The following ATXN7L3 variants were observed in gnomAD, a reference collection of about 807,000 sequenced individuals.
ATXN7L3 encodes the protein ataxin 7 like 3, also known as ataxin-7-like protein 3.
Under a neutral mutation model 50.0 loss-of-function variants are expected in ATXN7L3, and 6 were observed. The observed-to-expected ratio is 0.12, with a 90% CI of 0.07 to 0.24. The LOEUF is 0.24. Ranked by LOEUF, ATXN7L3 falls within the 10% of genes least tolerant of loss-of-function variation. ATXN7L3 has a pLI of 1.00. For missense variants in ATXN7L3, 322 were observed against 451.3 expected (o/e 0.71, Z 2.60); for synonymous variants, 198 against 165.8 (o/e 1.19, Z -1.49).
chr17:44,199,744 C>A lies in ATXN7L3; in HGVS notation c.-309G>T, dbSNP rs1425479137. On this transcript the variant is annotated 5_prime_UTR_variant, in exon 1 of 13. Coordinates refer to ENST00000587097, the MANE Select transcript of ATXN7L3 (RefSeq NM_001382309.1). ...TCCTCCTCACCTCACCCCGCCCGCG[C>A]GCAGTCCGCGCGCCGTCCGCGCGCC... The A allele has an allele frequency of 6.9e-6, 1 of 144,204 alleles. No homozygotes were observed. The highest frequency in any genetic ancestry group is 2.5e-5 in the African/African-American group (1 of 39,450). The allele number at this position is 144,204 out of a possible 1,614,324, so 8.9% of individuals were successfully genotyped here.
chr17:44,194,600 CGGCTGATCAGGGCCT>C lies in ATXN7L3; in HGVS notation c.797_811del (p.Gln266_Ser270del). Reference sequence around the variant, plus strand: ...GTCAGAGGAGCCGTCCCACTGAAGCCGGCTGATCAGGGCCTGGCTGTCAGTCATGTCAAAGCTGTC... The same window carrying C: ...GTCAGAGGAGCCGTCCCACTGAAGCCGGCTGTCAGTCATGTCAAAGCTGTC... On this transcript the variant is annotated inframe_deletion, in exon 12 of 13. Transcript: ENST00000587097. 2 of 1,613,908 alleles carry C rather than the reference CGGCTGATCAGGGCCT, an allele frequency of 1.2e-6. No individual in the cohort carries two copies. The highest frequency in any genetic ancestry group is 2.2e-5 in the South Asian group (2 of 91,078).
intron 8 of ATXN7L3, 150 bp from the exon 9 acceptor site, chr17:44,195,637 G>T: frequency 8.4e-7 from 1 of 1,189,548 alleles, no homozygotes; most frequent in Non-Finnish European, 1.2e-6. Flanking sequence ...CATCCCATCT[G>T]CCAATGGATA....
At position 44,191,830 on chromosome 17, in the gene ATXN7L3, A is replaced by G; in HGVS notation, c.*2433T>C. ...TACCAACGGGAGATGCAGTTTATTT[A>G]CACCAGCAGCCATGGGGGCAGAGGG... On this transcript the variant is annotated 3_prime_UTR_variant, in exon 13 of 13. Transcript: ENST00000587097. 1.3e-5 allele frequency: 9 copies of G among 717,930 alleles called. No individual in the cohort carries two copies. Among genetic ancestry groups the G allele is most frequent in the Non-Finnish European group, 1.5e-5 (9 of 585,902 alleles). The allele number at this position is 717,930 out of a possible 1,614,324, so 44.5% of individuals were successfully genotyped here. A position where few individuals can be genotyped will look rare whatever the true frequency, so the allele number is the denominator to read the frequency against.
Position 44,194,610 on chromosome 17 carries a change from G to A in ATXN7L3, c.802C>T (p.Leu268=). The stretch of plus-strand genomic sequence containing the variant: ...CCGTCCCACTGAAGCCGGCTGATCA[G>A]GGCCTGGCTGTCAGTCATGTCAAAG... ...DSFDMTDSQA[L]ISRLQWDGSS... is the part of the protein sequence containing the mutation. Residue 268 remains leucine, a synonymous_variant, in exon 12 of 13, where the codon CTG becomes TTG. Coordinates refer to ENST00000587097, the MANE Select transcript of ATXN7L3 (RefSeq NM_001382309.1). 6.2e-7 allele frequency: 1 copy of A among 1,613,940 alleles called. No individual in the cohort carries two copies. Among genetic ancestry groups the A allele is most frequent in the Non-Finnish European group, 8.5e-7 (1 of 1,180,028 alleles).
intron 1 of ATXN7L3, 67 bp from the exon 2 acceptor site, chr17:44,198,197 C>T (rs1188312908): frequency 2.7e-5 from 23 of 851,516 alleles, no homozygotes; most frequent in South Asian, 2.3e-4. Context: ...CACCTTCCCT[C>T]CCCACCTCGC....
At chr17:44,195,606 C>A in intron 8 of ATXN7L3, 119 bp from the exon 9 acceptor site, 1 of 1,260,928 alleles carries the variant, frequency 7.9e-7, no homozygotes, top group Non-Finnish European at 1.1e-6. Flanking sequence ...ACGACCCTGC[C>A]GTTTTCCAAG....
chr17:44,198,300 G>C (rs1428398849), intron 1 of ATXN7L3, 170 bp from the exon 2 acceptor site: 2 of 534,840 alleles, frequency 3.7e-6, no homozygotes, highest in Non-Finnish European at 6.6e-6. Flanking sequence ...GAAACCTAAA[G>C]GGGGCCTAGT....
chr17:44,197,491 G>A (rs926673187), intron 3 of ATXN7L3, 92 bp from the exon 4 acceptor site: 58 of 1,582,066 alleles, frequency 3.7e-5, no homozygotes, highest in Middle Eastern at 3.4e-4. Context: ...TCCCTCCCCC[G>A]GCTCACAGGA....
chr17:44,193,932 G>T lies in ATXN7L3; in HGVS notation c.*331C>A. On this transcript the variant is annotated 3_prime_UTR_variant, in exon 13 of 13. Transcript: ENST00000587097. ...AGTCCAGTTCCTGGGGTGGGGGGCA[G>T]GCAGTGCCCTGGCACAGTGCCCAGG... The T allele has an allele frequency of 3.8e-6, 1 of 265,178 alleles. No individual in the cohort carries two copies. Among genetic ancestry groups the T allele is most frequent in the Non-Finnish European group, 7.3e-6 (1 of 137,748 alleles). 16.4% of individuals were successfully genotyped at this position (265,178 alleles called of 1,614,324 possible).
chr17:44,195,727 C>T (rs2055862220), intron 8 of ATXN7L3, 73 bp downstream of exon 8: 7 of 1,496,358 alleles, frequency 4.7e-6, no homozygotes, highest in Non-Finnish European at 5.6e-6. Context: ...CATTCTGATC[C>T]CTACTTGTCC....
chr17:44,199,037 C>T (rs981545741), intron 1 of ATXN7L3: 2 of 152,640 alleles, frequency 1.3e-5, no homozygotes, highest in Non-Finnish European at 2.9e-5. Flanking sequence ...CTTCCCCCGT[C>T]CCTGCGGCAC....
In ATXN7L3 at chr17:44,197,872, T is replaced by C. The variant is rs945686745; in HGVS notation, c.52-142A>G. On this transcript the variant is annotated intron_variant, in intron 2 of 12. Coordinates refer to ENST00000587097, the MANE Select transcript of ATXN7L3 (RefSeq NM_001382309.1). Reference sequence around the variant, plus strand: ...CCCATCTTGACTTCGTGTTCTTTCTTCTTCCTGGATCCTTGGCTTTTTCAG... The same window carrying C: ...CCCATCTTGACTTCGTGTTCTTTCTCCTTCCTGGATCCTTGGCTTTTTCAG... 14 of 1,517,970 alleles carry C rather than the reference T, an allele frequency of 9.2e-6. No homozygotes were observed. In the Middle Eastern group the frequency reaches 6.9e-4, roughly 75 times the overall value. The allele number at this position is 1,517,970 out of a possible 1,614,324, so 94.0% of individuals were successfully genotyped here.
intron 6 of ATXN7L3, 153 bp from the exon 7 acceptor site, chr17:44,196,232 AC>A (rs374218540): frequency 3.1e-5 from 9 of 293,960 alleles, no homozygotes; most frequent in Admixed American, 6.5e-5. Context: ...GCCCTCCCCC[AC>A]CCCCCTTCCC....
chr17:44,196,567 C>T, intron 5 of ATXN7L3, 149 bp from the exon 6 acceptor site: 1 of 958,986 alleles, frequency 1.0e-6, no homozygotes, highest in South Asian at 1.5e-5. Flanking sequence ...ATCACGAGGT[C>T]AGAAGATCGA....
chr17:44,197,329 A>T lies in ATXN7L3; in HGVS notation c.255T>A (p.Val85=). The change falls in exon 4 of 13, where the codon GTT becomes GTA. Residue 85 remains valine, a synonymous_variant. Coordinates refer to ENST00000587097, the MANE Select transcript of ATXN7L3 (RefSeq NM_001382309.1). ...VFNQWKSKEC[V]CPNCSRSIAA... ...CAATGCTGCGACTGCAATTGGGGCA[A>T]ACACACTCCTTGCTCTTCCACTGGT... The T allele has an allele frequency of 6.2e-7, 1 of 1,613,454 alleles. No individual in the cohort carries two copies. Among genetic ancestry groups the T allele is most frequent in the Non-Finnish European group, 8.5e-7 (1 of 1,179,612 alleles).
chr17:44,198,170 G>C (rs1454504490), intron 1 of ATXN7L3, 40 bp from the exon 2 acceptor site: 3 of 1,223,562 alleles, frequency 2.5e-6, no homozygotes, highest in Non-Finnish European at 3.5e-6. Context: ...TGAGTCCAAG[G>C]CACCTCTGAA....
chr17:44,195,939 T>C, intron 7 of ATXN7L3, 95 bp downstream of exon 7: 1 of 1,560,034 alleles, frequency 6.4e-7, no homozygotes, highest in Non-Finnish European at 8.8e-7. Flanking sequence ...AGGCCCTCCC[T>C]CAATTCCCCT....
rs1247098152 is a variant in ATXN7L3, at chr17:44,191,837, C to G, written c.*2426G>C. The G allele has an allele frequency of 1.6e-6, 1 of 623,360 alleles. No individual in the cohort carries two copies. Among genetic ancestry groups the G allele is most frequent in the African/African-American group, 2.0e-5 (1 of 49,630 alleles). The allele number at this position is 623,360 out of a possible 1,614,324, so 38.6% of individuals were successfully genotyped here. The stretch of plus-strand genomic sequence containing the variant: ...GGGAGATGCAGTTTATTTACACCAG[C>G]AGCCATGGGGGCAGAGGGAATACAC... On this transcript the variant is annotated 3_prime_UTR_variant, in exon 13 of 13. Transcript: ENST00000587097.
rs2055744797 is a variant in ATXN7L3, at chr17:44,192,888, G to C, written c.*1375C>G. 1 of 152,288 alleles carries C rather than the reference G, an allele frequency of 6.6e-6. No individual in the cohort carries two copies. The allele number at this position is 152,288 out of a possible 1,614,324, so 9.4% of individuals were successfully genotyped here. On this transcript the variant is annotated 3_prime_UTR_variant, in exon 13 of 13. Transcript: ENST00000587097. ...AGAGGGTAGGGGACATGTCCAGCAAGTGCCAGAGAACTTGGCTCAGGGTCA... is the reference window on the plus strand; with the variant it reads ...AGAGGGTAGGGGACATGTCCAGCAACTGCCAGAGAACTTGGCTCAGGGTCA...
Sources: allele counts gnomAD v4.1 joint callset, GRCh38; gene constraint gnomAD v4.1.1; transcripts MANE v1.5; gene names NCBI Gene and HGNC (gene_info 2026-07-23, HGNC 2026-07-21).